The following DDX60 variants were observed in gnomAD, a reference collection of about 807,000 sequenced individuals.
DDX60 encodes the protein DExD/H-box helicase 60, also known as probable ATP-dependent RNA helicase DDX60.
In DDX60, 165 loss-of-function variants were observed where a neutral mutation model predicts 212.8. The ratio of observed to expected loss-of-function variants is 0.78; its 90% CI spans 0.68 to 0.88. DDX60 has a LOEUF of 0.88. Among genes scored for constraint, DDX60 ranks in the 40% least tolerant of loss-of-function variants. The pLI is 0.00. For missense variants in DDX60, 1,905 were observed against 2,003.9 expected (o/e 0.95, Z 0.94); for synonymous variants, 703 against 685.3 (o/e 1.03, Z -0.40).
Position 168,237,721 on chromosome 4 carries a change from G to A in DDX60, c.4239C>T (p.Phe1413=), listed in dbSNP as rs768124041. 18 of 1,611,608 alleles carry A rather than the reference G, an allele frequency of 1.1e-5. No individual in the cohort carries two copies. The highest frequency in any genetic ancestry group is 1.1e-5 in the South Asian group (1 of 90,940). ...TCACCAGGAACTGCAAAGAAAACAG[G>A]AAGTAAAGTTTTAACATGTCCATGA... The part of the protein sequence containing the change: ...PRVMDMLKLY[F]LFSLQFLVKE... The change falls in exon 31 of 38, where the codon TTC becomes TTT. Residue 1413 remains phenylalanine, a synonymous_variant. Coordinates refer to ENST00000393743, the MANE Select transcript of DDX60 (RefSeq NM_017631.6).
intron 25 of DDX60, 49 bp downstream of exon 25, chr4:168,260,816 T>C: frequency 2.0e-6 from 3 of 1,523,594 alleles, no homozygotes; most frequent in Non-Finnish European, 2.7e-6. Context: ...CTTAAAGGAA[T>C]GAGTCTAATA....
At chr4:168,228,788 G>T (rs1733345774) in intron 33 of DDX60, among the ~76,000 whole-genome samples, 1 of 151,732 alleles carries the variant, frequency 6.6e-6, no homozygotes, top group African/African-American at 2.4e-5. Context: ...CCAAATTTTG[G>T]ATTTTTTCTA....
intron 33 of DDX60, among the ~76,000 whole-genome samples, chr4:168,230,158 C>A (rs1733394237): frequency 6.6e-6 from 1 of 152,106 alleles, no homozygotes. Flanking sequence ...ACTACTCCAA[C>A]AGGAACACTT....
At chr4:168,237,879 A>G (rs1161419033) in intron 30 of DDX60, 84 bp from the exon 31 acceptor site, 1 of 1,016,284 alleles carries the variant, frequency 9.8e-7, no homozygotes, top group Non-Finnish European at 1.4e-6. Flanking sequence ...ATAGATCAAT[A>G]TCTATTATAC....
intron 6 of DDX60, among the ~76,000 whole-genome samples, chr4:168,299,157 C>CAAAAAAA (rs1197872492): frequency 4.8e-5 from 3 of 61,934 alleles, no homozygotes; most frequent in Admixed American, 4.6e-4. Flanking sequence ...GAGACTGTCT[C>CAAAAAAA]AAAAAAAAAA....
intron 33 of DDX60, among the ~76,000 whole-genome samples, chr4:168,227,869 T>C (rs1301216993): frequency 1.3e-5 from 2 of 152,140 alleles, no homozygotes; most frequent in African/African-American, 4.8e-5. Context: ...GAGATACTTC[T>C]GATTCTTCTG....
chr4:168,264,798 T>C (rs992628692), intron 22 of DDX60, among the ~76,000 whole-genome samples: 1 of 152,218 alleles, frequency 6.6e-6, no homozygotes, highest in African/African-American at 2.4e-5. Flanking sequence ...GCCTAAATAC[T>C]GGGGATCCAA....
In DDX60 at chr4:168,257,911, C is replaced by T. The variant is rs144955668; in HGVS notation, c.3399-2042G>A. On this transcript the variant is annotated intron_variant, in intron 25 of 37. Transcript: ENST00000393743. ...AAACACAGTTCTTTGGTTTTGGAGA[C>T]GCAAAACCAGAGCTGGCATCAATTT... Among the ~76,000 whole-genome samples, 593 of 152,138 alleles carry T rather than the reference C, an allele frequency of 3.9e-3. 2 individuals carry two copies. Among genetic ancestry groups the T allele is most frequent in the Non-Finnish European group, 6.3e-3 (430 of 67,996 alleles).
intron 14 of DDX60, among the ~76,000 whole-genome samples, chr4:168,278,413 G>C (rs1735443932): frequency 6.6e-6 from 1 of 152,188 alleles, no homozygotes. Context: ...TGAAAGCATT[G>C]AATCTGTATG....
chr4:168,294,798 A>G (rs1736270013), intron 6 of DDX60, among the ~76,000 whole-genome samples: 1 of 152,142 alleles, frequency 6.6e-6, no homozygotes, highest in Non-Finnish European at 1.5e-5. Context: ...CACCGCGCCC[A>G]GCCAAACTAT....
chr4:168,293,868 T>C lies in DDX60; in HGVS notation c.801A>G (p.Ser267=), dbSNP rs1736222048. 2 of 1,613,812 alleles carry C rather than the reference T, an allele frequency of 1.2e-6. No homozygotes were observed. The highest frequency in any genetic ancestry group is 1.3e-5 in the African/African-American group (1 of 74,918). Residue 267 remains serine, a synonymous_variant, in exon 7 of 38, where the codon TCA becomes TCG. Transcript: ENST00000393743. ...GGTACATTCTCAAAGATAATGAGCA[T>C]GAAGTAACACAAAAGACACGCCGAA... The part of the protein sequence containing the change: ...SDIRRVFCVT[S]CSLSLRMYHR...
At chr4:168,304,857 G>A (rs1315027357) in intron 5 of DDX60, among the ~76,000 whole-genome samples, 3 of 152,102 alleles carry the variant, frequency 2.0e-5, no homozygotes, top group Non-Finnish European at 4.4e-5. Context: ...TAAATTTAAT[G>A]TAGCCAAAGT....
chr4:168,317,402 A>C (rs1288200830), intron 1 of DDX60, among the ~76,000 whole-genome samples: 5 of 152,152 alleles, frequency 3.3e-5, no homozygotes, highest in Non-Finnish European at 1.5e-5. Context: ...GAAAAGAAGA[A>C]GGGAGGAAGA....
intron 26 of DDX60, among the ~76,000 whole-genome samples, chr4:168,253,270 G>C (rs916104650): frequency 1.9e-4 from 29 of 152,108 alleles, no homozygotes; most frequent in Admixed American, 1.5e-3. Flanking sequence ...AGATAACTCT[G>C]TTTCTCCTTG....
At position 168,267,592 on chromosome 4, in the gene DDX60, G is replaced by T; in HGVS notation, c.3029C>A (p.Thr1010Lys). Residue 1010 changes from threonine to lysine, a missense_variant, in exon 22 of 38, where the codon ACA becomes AAA. Coordinates refer to ENST00000393743, the MANE Select transcript of DDX60 (RefSeq NM_017631.6). ...FDHFHPCAAL[T>K]TDHIERYGFP... ...TAAAATATTACCTACATGATCTGTT[G>T]TTAGTGCAGCACATGGGTGAAAATG... 1 of 1,567,362 alleles carries T rather than the reference G, an allele frequency of 6.4e-7. No homozygotes were observed. The highest frequency in any genetic ancestry group is 8.7e-7 in the Non-Finnish European group (1 of 1,153,130).
intron 33 of DDX60, among the ~76,000 whole-genome samples, chr4:168,232,425 C>A (rs112489882): frequency 0.015 from 2,355 of 151,990 alleles, 58 homozygotes; most frequent in African/African-American, 0.052. Context: ...GCAAAAAGAA[C>A]AAATCTGGAA....
intron 10 of DDX60, among the ~76,000 whole-genome samples, chr4:168,286,495 G>C (rs1028724940): frequency 6.7e-6 from 1 of 150,010 alleles, no homozygotes; most frequent in Non-Finnish European, 1.5e-5. Context: ...ACAAATGAAT[G>C]ACTTTTTATT....
At chr4:168,246,977 G>C (rs762019052) in intron 29 of DDX60, among the ~76,000 whole-genome samples, 1 of 151,952 alleles carries the variant, frequency 6.6e-6, no homozygotes, top group Non-Finnish European at 1.5e-5. Flanking sequence ...TTTCTCTCCC[G>C]GCCCATCTTC....
chr4:168,237,836 G>A, intron 30 of DDX60, 41 bp from the exon 31 acceptor site: 1 of 1,412,846 alleles, frequency 7.1e-7, no homozygotes. Flanking sequence ...AATGTTAAGT[G>A]TTACGAAATA....
Sources: allele counts gnomAD v4.1 joint callset (sites outside exome capture counted in the v4.1 genomes callset), GRCh38; gene constraint gnomAD v4.1.1; transcripts MANE v1.5; gene names NCBI Gene and HGNC (gene_info 2026-07-23, HGNC 2026-07-21).